Variants in COG5 observed in about 807,000 individuals in gnomAD.
COG5 encodes conserved oligomeric Golgi complex subunit 5.
Under a neutral mutation model 110.4 loss-of-function variants are expected in COG5, and 86 were observed. That is an observed-to-expected ratio of 0.78 (90% CI 0.65 to 0.93). The LOEUF (loss-of-function observed/expected upper bound fraction) is 0.93. Ranked by LOEUF, COG5 falls within the 40% of genes least tolerant of loss-of-function variation. The pLI is 0.00. For missense variants in COG5, 1,077 were observed against 987.0 expected, an observed-to-expected ratio of 1.09 and a Z score of -1.22; for synonymous variants, 360 against 334.6, an observed-to-expected ratio of 1.08 and a Z score of -0.83.
Position 107,412,177 on chromosome 7 carries a change from T to C in COG5, c.669+325A>G, listed in dbSNP as rs574433543. 9.9e-5 allele frequency among the ~76,000 whole-genome samples: 15 copies of C among 152,280 alleles called. No individual in the cohort carries two copies. The South Asian group carries it at 2.1e-3, about 21-fold the overall frequency. On this transcript the variant is annotated intron_variant, in intron 7 of 21. Coordinates refer to ENST00000297135, the MANE Select transcript of COG5 (RefSeq NM_006348.5). The stretch of plus-strand genomic sequence containing the variant: ...CAATAATACCAATCTTACTGGGTTG[T>C]TGAAGGGCTTAAATGAGGAATCGTG...
At chr7:107,315,018 T>C (rs1458467564) in intron 11 of COG5, among the ~76,000 whole-genome samples, 1 of 152,166 alleles carries the variant, frequency 6.6e-6, no homozygotes, top group Non-Finnish European at 1.5e-5. Context: ...ACAAAATACT[T>C]CCATTGCAAG....
At chr7:107,311,511 A>G (rs1808264923) in intron 11 of COG5, among the ~76,000 whole-genome samples, 1 of 144,692 alleles carries the variant, frequency 6.9e-6, no homozygotes, top group Non-Finnish European at 1.5e-5. Flanking sequence ...CTCCTGCCTC[A>G]GCCTCCCGAG....
At chr7:107,437,681 C>A (rs1346441922) in intron 6 of COG5, among the ~76,000 whole-genome samples, 1 of 152,070 alleles carries the variant, frequency 6.6e-6, no homozygotes, top group African/African-American at 2.4e-5. Flanking sequence ...TTTAGATGCA[C>A]ATATTAATGT....
chr7:107,424,220 C>T (rs1306814222), intron 6 of COG5, among the ~76,000 whole-genome samples: 2 of 152,012 alleles, frequency 1.3e-5, no homozygotes, highest in South Asian at 2.1e-4. Context: ...TTGCAGTGAG[C>T]TGAGGTCATG....
At chr7:107,393,826 A>T (rs1315818932) in intron 7 of COG5, among the ~76,000 whole-genome samples, 2 of 152,194 alleles carry the variant, frequency 1.3e-5, no homozygotes, top group African/African-American at 4.8e-5. Flanking sequence ...TTGGATAATC[A>T]ATATTCTAAG....
chr7:107,429,067 A>C (rs1015906102), intron 6 of COG5, among the ~76,000 whole-genome samples: 3 of 152,224 alleles, frequency 2.0e-5, no homozygotes, highest in African/African-American at 7.2e-5. Flanking sequence ...AAAGCCAAGA[A>C]TGAGTGTGTG....
chr7:107,455,104 A>G (rs1350384302), intron 6 of COG5, among the ~76,000 whole-genome samples: 2 of 152,230 alleles, frequency 1.3e-5, no homozygotes, highest in African/African-American at 4.8e-5. Context: ...AAAGTACATA[A>G]TAAGATAAGC....
At chr7:107,227,248 T>C (rs1308896961) in intron 19 of COG5, among the ~76,000 whole-genome samples, 1 of 152,186 alleles carries the variant, frequency 6.6e-6, no homozygotes, top group Admixed American at 6.5e-5. Context: ...GTACTTACTA[T>C]TTCATGAACC....
At chr7:107,556,335 A>G (rs1259875799) in intron 2 of COG5, among the ~76,000 whole-genome samples, 1 of 152,150 alleles carries the variant, frequency 6.6e-6, no homozygotes, top group Non-Finnish European at 1.5e-5. Flanking sequence ...CCTAATAGTA[A>G]ATGTTTTACA....
chr7:107,319,102 T>G (rs1809020765), intron 11 of COG5, among the ~76,000 whole-genome samples: 1 of 152,090 alleles, frequency 6.6e-6, no homozygotes, highest in Non-Finnish European at 1.5e-5. Context: ...CACTGATTTT[T>G]TTTTTTTTCT....
chr7:107,380,709 C>T (rs1464494849), intron 7 of COG5, among the ~76,000 whole-genome samples: 2 of 152,214 alleles, frequency 1.3e-5, no homozygotes, highest in African/African-American at 4.8e-5. Flanking sequence ...GACAAATTCA[C>T]AGCCGAATTC....
At chr7:107,560,296 G>A (rs2129181004) in intron 1 of COG5, among the ~76,000 whole-genome samples, 1 of 152,320 alleles carries the variant, frequency 6.6e-6, no homozygotes, top group African/African-American at 2.4e-5. Flanking sequence ...ACAGAGGCCA[G>A]TAAAGTACTA....
chr7:107,343,855 A>G (rs1811373531), intron 10 of COG5, among the ~76,000 whole-genome samples: 1 of 150,428 alleles, frequency 6.6e-6, no homozygotes, highest in Non-Finnish European at 1.5e-5. Context: ...AATGATGAGT[A>G]ATAGTTTGAA....
intron 1 of COG5, among the ~76,000 whole-genome samples, chr7:107,563,185 C>T (rs1804048384): frequency 6.6e-6 from 1 of 152,138 alleles, no homozygotes; most frequent in Non-Finnish European, 1.5e-5. Context: ...TCTCTCCAAA[C>T]TGACTAGCAA....
intron 13 of COG5, 130 bp downstream of exon 13, chr7:107,283,441 A>G: frequency 1.3e-6 from 1 of 756,652 alleles, no homozygotes; most frequent in East Asian, 2.7e-5. Context: ...TTTACTATAA[A>G]ATTCTTAATT....
At chr7:107,404,324 ATC>A (rs1791653205) in intron 7 of COG5, among the ~76,000 whole-genome samples, 1 of 152,216 alleles carries the variant, frequency 6.6e-6, no homozygotes, top group African/African-American at 2.4e-5. Flanking sequence ...TTTACTGAAC[ATC>A]TATTCAGGCT....
chr7:107,478,582 AGTT>A (rs1359944749), intron 6 of COG5, among the ~76,000 whole-genome samples: 1 of 152,060 alleles, frequency 6.6e-6, no homozygotes, highest in Admixed American at 6.6e-5. Flanking sequence ...CTTTATTATT[AGTT>A]GTTGTTATAG....
At chr7:107,552,449 T>C (rs958347138) in intron 3 of COG5, among the ~76,000 whole-genome samples, 7 of 151,754 alleles carry the variant, frequency 4.6e-5, no homozygotes, top group African/African-American at 1.7e-4. Flanking sequence ...CACAACTCCA[T>C]TAAAAAGTGG....
chr7:107,435,881 T>A (rs1414562465), intron 6 of COG5, among the ~76,000 whole-genome samples: 1 of 152,050 alleles, frequency 6.6e-6, no homozygotes, highest in Non-Finnish European at 1.5e-5. Flanking sequence ...AGCCATGAGG[T>A]GGAAGCAATT....
Sources: gnomAD v4.1 joint callset for allele counts (sites outside exome capture counted in the v4.1 genomes callset) on GRCh38, gnomAD v4.1.1 for gene constraint, MANE v1.5 for transcripts, NCBI Gene and HGNC (gene_info 2026-07-23, HGNC 2026-07-21) for gene names.